GRID2: variants seen among roughly 807,000 people sequenced by gnomAD.
The protein encoded by GRID2 is glutamate receptor ionotropic, delta-2.
In GRID2, 33 loss-of-function variants were observed where a neutral mutation model predicts 114.8. That is an observed-to-expected ratio of 0.29 (90% CI 0.22 to 0.38). The LOEUF is 0.38. Ranked by LOEUF, GRID2 falls within the 10% of genes least tolerant of loss-of-function variation. The probability of loss-of-function intolerance (pLI) is 1.00; values close to 1 mark genes in which losing one functional copy is unlikely to be tolerated. For synonymous variants in GRID2, 505 were observed against 449.9 expected, an observed-to-expected ratio of 1.12 and a Z score of -1.55; for missense variants, 1,184 against 1,257.7, an observed-to-expected ratio of 0.94 and a Z score of 0.89.
downstream of GRID2, among the ~76,000 whole-genome samples, chr4:93,779,133 A>T (rs1734429592): frequency 6.6e-6 from 1 of 151,960 alleles, no homozygotes; most frequent in Non-Finnish European, 1.5e-5. Flanking sequence ...GAATATTTTT[A>T]ATTAGGTCTC....
intron 2 of GRID2, among the ~76,000 whole-genome samples, chr4:92,593,500 G>C (rs1728805308): frequency 6.6e-6 from 1 of 151,902 alleles, no homozygotes; most frequent in African/African-American, 2.4e-5. Flanking sequence ...TTTGGCTACA[G>C]TACATTTTTG....
At chr4:92,887,908 C>T (rs963958684) in intron 2 of GRID2, among the ~76,000 whole-genome samples, 1 of 152,164 alleles carries the variant, frequency 6.6e-6, no homozygotes, top group South Asian at 2.1e-4. Context: ...CATGTTCTCT[C>T]GCTAATAATA....
intron 9 of GRID2, among the ~76,000 whole-genome samples, chr4:93,418,164 C>T (rs997151638): frequency 1.5e-4 from 22 of 151,580 alleles, no homozygotes; most frequent in Admixed American, 2.0e-4. Flanking sequence ...ACTTCTATTT[C>T]GACTTCTAGA....
At chr4:93,014,060 T>C (rs1272516262) in intron 2 of GRID2, among the ~76,000 whole-genome samples, 1 of 152,018 alleles carries the variant, frequency 6.6e-6, no homozygotes, top group Non-Finnish European at 1.5e-5. Flanking sequence ...TTTGAGCACT[T>C]TGTGGAGAGA....
chr4:92,871,203 G>A (rs1267327935), intron 2 of GRID2, among the ~76,000 whole-genome samples: 1 of 150,490 alleles, frequency 6.6e-6, no homozygotes, highest in Non-Finnish European at 1.5e-5. Flanking sequence ...AACTTGTTTT[G>A]CTTTTTTATT....
At chr4:93,588,901 G>A (rs914456905) in intron 13 of GRID2, among the ~76,000 whole-genome samples, 2 of 152,058 alleles carry the variant, frequency 1.3e-5, no homozygotes, top group Admixed American at 6.5e-5. Context: ...TCCTGATTTT[G>A]CCATTTTGCC....
At chr4:93,095,231 C>A (rs1453748293) in intron 3 of GRID2, among the ~76,000 whole-genome samples, 1 of 151,714 alleles carries the variant, frequency 6.6e-6, no homozygotes, top group African/African-American at 2.4e-5. Flanking sequence ...GCCCATCGAC[C>A]CATCATCTAC....
chr4:92,539,377 G>T (rs941431938), intron 1 of GRID2, among the ~76,000 whole-genome samples: 2 of 152,014 alleles, frequency 1.3e-5, no homozygotes, highest in Admixed American at 6.6e-5. Context: ...ATTAGCAAAT[G>T]AGTAAAACAT....
chr4:93,391,377 G>A (rs139083700), intron 8 of GRID2, among the ~76,000 whole-genome samples: 4 of 152,244 alleles, frequency 2.6e-5, no homozygotes, highest in African/African-American at 9.6e-5. Context: ...CTTTTAAGCT[G>A]CTTTGCCTAT....
chr4:93,752,719 C>A (rs1392966065), intron 14 of GRID2, among the ~76,000 whole-genome samples: 1 of 152,126 alleles, frequency 6.6e-6, no homozygotes, highest in East Asian at 1.9e-4. Context: ...AAATCTCAGT[C>A]CTTTAATTAT....
intron 14 of GRID2, among the ~76,000 whole-genome samples, chr4:93,630,736 T>A (rs1743166100): frequency 6.6e-6 from 1 of 152,154 alleles, no homozygotes; most frequent in Non-Finnish European, 1.5e-5. Flanking sequence ...GAAATGGAAC[T>A]AACAGTAGCT....
At chr4:93,319,696 T>C (rs1453565957) in intron 8 of GRID2, 2 of 152,058 alleles carry the variant, frequency 1.3e-5, no homozygotes, top group East Asian at 1.9e-4. Context: ...AAAAGAGGCA[T>C]GCATTGCATG....
intron 1 of GRID2, among the ~76,000 whole-genome samples, chr4:92,573,422 C>A (rs1443656802): frequency 6.6e-6 from 1 of 152,044 alleles, no homozygotes. Context: ...AATTTGAGAT[C>A]TTTCTAGCTG....
intron 2 of GRID2, among the ~76,000 whole-genome samples, chr4:92,717,543 C>G (rs890090726): frequency 6.6e-6 from 1 of 152,148 alleles, no homozygotes. Context: ...ATTTGTTTAA[C>G]TTTGTTCAGT....
At chr4:92,812,929 C>A (rs971659564) in intron 2 of GRID2, among the ~76,000 whole-genome samples, 2 of 152,084 alleles carry the variant, frequency 1.3e-5, no homozygotes, top group African/African-American at 2.4e-5. Context: ...TATCTAAACC[C>A]CTAGGTAATA....
chr4:92,982,840 T>C (rs977684024), intron 2 of GRID2, among the ~76,000 whole-genome samples: 5 of 152,174 alleles, frequency 3.3e-5, no homozygotes, highest in Admixed American at 6.6e-5. Flanking sequence ...TAATTTCTAC[T>C]TTTTTAATTT....
chr4:92,718,859 G>T (rs1233494544), intron 2 of GRID2, among the ~76,000 whole-genome samples: 1 of 150,186 alleles, frequency 6.7e-6, no homozygotes, highest in African/African-American at 2.5e-5. Flanking sequence ...ATTATCTTCT[G>T]AACTTAAAGA....
intron 2 of GRID2, among the ~76,000 whole-genome samples, chr4:92,787,192 T>C (rs1270736861): frequency 6.6e-6 from 1 of 151,902 alleles, no homozygotes; most frequent in East Asian, 1.9e-4. Context: ...CTAAGTTACT[T>C]TGATAAACAT....
chr4:92,491,196 A>T (rs1723130334), intron 1 of GRID2, among the ~76,000 whole-genome samples: 1 of 152,134 alleles, frequency 6.6e-6, no homozygotes, highest in Non-Finnish European at 1.5e-5. Flanking sequence ...GGATAAGAAC[A>T]TTTATTTGTA....
Sources: allele counts gnomAD v4.1 joint callset (sites outside exome capture counted in the v4.1 genomes callset), GRCh38; gene constraint gnomAD v4.1.1; transcripts MANE v1.5; gene names NCBI Gene and HGNC (gene_info 2026-07-23, HGNC 2026-07-21).